The following TRIML1 variants were observed in gnomAD, a reference collection of about 807,000 sequenced individuals.
TRIML1 encodes the protein tripartite motif family like 1.
In TRIML1, 34 loss-of-function variants were observed where a neutral mutation model predicts 32.3. That is an observed-to-expected ratio of 1.05 (90% CI 0.80 to 1.40). The LOEUF is 1.40. Among genes scored for constraint, TRIML1 ranks in the 40% most tolerant of loss-of-function variants. The pLI, the probability that TRIML1 is intolerant of heterozygous loss-of-function variation, is 0.00. For synonymous variants in TRIML1, 244 were observed against 226.6 expected (o/e 1.08, Z -0.69); for missense variants, 595 against 574.9 (o/e 1.03, Z -0.36).
At chr4:188,137,916 C>CTTTTTTTTTTTTTTTTTTTTTT (rs1298700958), upstream of TRIML1, among the ~76,000 whole-genome samples, 2 of 131,524 alleles carry the variant, frequency 1.5e-5, 1 homozygote, top group Non-Finnish European at 3.2e-5. Context: ...CCTGGCCAAA[C>CTTTTTTTTTTTTTTTTTTTTTT]TTTTTTTCTT....
At chr4:188,139,386 T>C, upstream of TRIML1, 3 of 623,530 alleles carry the variant, frequency 4.8e-6, no homozygotes, top group South Asian at 7.8e-5. Flanking sequence ...TGGCTTTGTG[T>C]TGGACAGTGT....
chr4:188,141,679 G>A (rs1040607614), intron 2 of TRIML1, among the ~76,000 whole-genome samples: 3 of 152,160 alleles, frequency 2.0e-5, no homozygotes, highest in African/African-American at 4.8e-5. Flanking sequence ...TAGAACGACC[G>A]CCTCCTGGGA....
chr4:188,144,610 C>T (rs1265106322), intron 5 of TRIML1, among the ~76,000 whole-genome samples: 1 of 151,654 alleles, frequency 6.6e-6, no homozygotes, highest in Non-Finnish European at 1.5e-5. Context: ...GATCCGCCCG[C>T]CTCGGCCTCC....
chr4:188,147,333 A>C lies in TRIML1; in HGVS notation c.1368A>C (p.Thr456=), dbSNP rs1667471242. ...GCCTCCCAAATGAGGGGACAAACAC[A>C]GACCCTCTCACCATCTGCTCACTGA... ...SPCLPNEGTN[T]DPLTICSLNS... is the part of the protein sequence containing the mutation. Residue 456 remains threonine, a synonymous_variant, in exon 6 of 6, where the codon ACA becomes ACC. Coordinates refer to ENST00000332517, the MANE Select transcript of TRIML1 (RefSeq NM_178556.5). The C allele has an allele frequency of 6.6e-7, 1 of 1,522,610 alleles. No individual in the cohort carries two copies. The highest frequency in any genetic ancestry group is 8.8e-7 in the Non-Finnish European group (1 of 1,137,142). 94.3% of individuals were successfully genotyped at this position (1,522,610 alleles called of 1,614,324 possible).
chr4:188,146,886 T>G lies in TRIML1; in HGVS notation c.921T>G (p.Ser307Arg). ...TCGTGTTGTCGGAGGATCTGAAGAG[T>G]GTGAAATATGGGGGAAGCAGACAGC... ...AYLVLSEDLK[S>R]VKYGGSRQQL... The change falls in exon 6 of 6, where the codon AGT (serine) becomes AGG (arginine). Residue 307 changes from serine to arginine, a missense_variant. Physicochemically the swap from Ser to Arg is moderately radical, Grantham distance 110. Coordinates refer to ENST00000332517, the MANE Select transcript of TRIML1 (RefSeq NM_178556.5). The G allele has an allele frequency of 6.8e-7, 1 of 1,475,036 alleles. No individual in the cohort carries two copies. Among genetic ancestry groups the G allele is most frequent in the Non-Finnish European group, 9.0e-7 (1 of 1,111,634 alleles). 91.4% of individuals were successfully genotyped at this position (1,475,036 alleles called of 1,614,324 possible).
rs1418341246 is a variant in TRIML1, at chr4:188,147,436, T to A, written c.*64T>A. On this transcript the variant is annotated 3_prime_UTR_variant, in exon 6 of 6. Coordinates refer to ENST00000332517, the MANE Select transcript of TRIML1 (RefSeq NM_178556.5). ...GACCAAGACACAACTATTAAGACGATGAAGGCATCGACAGTATTAATGTCA... is the reference window on the plus strand; with the variant it reads ...GACCAAGACACAACTATTAAGACGAAGAAGGCATCGACAGTATTAATGTCA... 1 of 1,367,238 alleles carries A rather than the reference T, an allele frequency of 7.3e-7. No individual in the cohort carries two copies. Among genetic ancestry groups the A allele is most frequent in the Non-Finnish European group, 9.6e-7 (1 of 1,046,826 alleles). 84.7% of individuals were successfully genotyped at this position (1,367,238 alleles called of 1,614,324 possible). A position where few individuals can be genotyped will look rare whatever the true frequency, so the allele number is the denominator to read the frequency against.
downstream of TRIML1, among the ~76,000 whole-genome samples, chr4:188,148,934 G>T (rs7377490): frequency 0.3 from 32,124 of 106,648 alleles, 5,781 homozygotes; most frequent in Admixed American, 0.39. Flanking sequence ...TTTTTGAGAC[G>T]GAGTAGTCTT....
rs1735136942 is a variant in TRIML1, at chr4:188,147,553, A to G, written c.*181A>G. On this transcript the variant is annotated 3_prime_UTR_variant, in exon 6 of 6. Transcript: ENST00000332517. ...TATGAACAGCCACATTACACAATCA[A>G]CTTCAACCCCAATAGAAGAGAGCTG... The G allele has an allele frequency of 4.7e-6, 2 of 428,058 alleles. No homozygotes were observed. Among genetic ancestry groups the G allele is most frequent in the Non-Finnish European group, 8.0e-6 (2 of 249,552 alleles). 26.5% of individuals were successfully genotyped at this position (428,058 alleles called of 1,614,324 possible). A position where few individuals can be genotyped will look rare whatever the true frequency, so the allele number is the denominator to read the frequency against.
Position 188,147,628 on chromosome 4 carries a change from G to C in TRIML1, c.*256G>C, listed in dbSNP as rs963698092. On this transcript the variant is annotated 3_prime_UTR_variant, in exon 6 of 6. Transcript: ENST00000332517. ...ATGTATTCTCTGGGCTACCCCATGT[G>C]TGTGCTGGTCACTCAAATATTGAGC... 2.9e-6 allele frequency: 1 copy of C among 350,478 alleles called. No homozygotes were observed. Among genetic ancestry groups the C allele is most frequent in the Admixed American group, 4.7e-5 (1 of 21,300 alleles). 21.7% of individuals were successfully genotyped at this position (350,478 alleles called of 1,614,324 possible).
intron 2 of TRIML1, among the ~76,000 whole-genome samples, chr4:188,141,735 C>T (rs563107416): frequency 2.4e-4 from 37 of 152,136 alleles, no homozygotes; most frequent in African/African-American, 8.2e-4. Flanking sequence ...AGCGCACATA[C>T]CTCCGAAAAC....
chr4:188,148,990 T>C (rs1450595408), downstream of TRIML1, among the ~76,000 whole-genome samples: 3 of 142,514 alleles, frequency 2.1e-5, no homozygotes, highest in African/African-American at 7.8e-5. Flanking sequence ...CTCAGCTCAC[T>C]GCAAGTTCTG....
chr4:188,144,191 T>C, intron 5 of TRIML1, 58 bp downstream of exon 5: 1 of 1,423,824 alleles, frequency 7.0e-7, no homozygotes, highest in South Asian at 1.2e-5. Context: ...TCAGCATACC[T>C]TCTTCCAGTG....
At chr4:188,150,309 A>C (rs1205314904), downstream of TRIML1, among the ~76,000 whole-genome samples, 3 of 149,018 alleles carry the variant, frequency 2.0e-5, no homozygotes, top group African/African-American at 7.4e-5. Context: ...TTGTATTTTT[A>C]ATAGAGATGG....
chr4:188,141,729 C>T (rs2111227339), intron 2 of TRIML1, among the ~76,000 whole-genome samples: 1 of 152,108 alleles, frequency 6.6e-6, no homozygotes, highest in South Asian at 2.1e-4. Flanking sequence ...ATCTATAGCG[C>T]ACATACCTCC....
downstream of TRIML1, among the ~76,000 whole-genome samples, chr4:188,149,893 C>A (rs1245090223): frequency 6.6e-6 from 1 of 152,120 alleles, no homozygotes; most frequent in African/African-American, 2.4e-5. Flanking sequence ...ACCTCTAACC[C>A]CTGGGTTCAA....
chr4:188,147,421 C>T lies in TRIML1; in HGVS notation c.*49C>T. 7.0e-7 allele frequency: 1 copy of T among 1,422,710 alleles called. No homozygotes were observed. Among genetic ancestry groups the T allele is most frequent in the Non-Finnish European group, 9.2e-7 (1 of 1,085,284 alleles). 88.1% of individuals were successfully genotyped at this position (1,422,710 alleles called of 1,614,324 possible). On this transcript the variant is annotated 3_prime_UTR_variant, in exon 6 of 6. Coordinates refer to ENST00000332517, the MANE Select transcript of TRIML1 (RefSeq NM_178556.5). ...GCGGGCGATGTCTGAGACCAAGACA[C>T]AACTATTAAGACGATGAAGGCATCG...
downstream of TRIML1, among the ~76,000 whole-genome samples, chr4:188,149,434 C>T (rs369829594): frequency 2.8e-4 from 42 of 152,126 alleles, no homozygotes; most frequent in Non-Finnish European, 4.9e-4. Context: ...ATTGGAGACT[C>T]GGTTGGAAAG....
rs1036156661 is a variant in TRIML1 at position 188,139,493 on chromosome 4, G to T, written c.-66G>T. 11 of 1,480,242 alleles carry T rather than the reference G, an allele frequency of 7.4e-6. No homozygotes were observed. In the African/African-American group the frequency reaches 1.5e-4, roughly 21 times the overall value. The allele number at this position is 1,480,242 out of a possible 1,614,324, so 91.7% of individuals were successfully genotyped here. A position where few individuals can be genotyped will look rare whatever the true frequency, so the allele number is the denominator to read the frequency against. ...CGCGTGTTACTCAAAACTGTAGGAC[G>T]GCAGTGAGGGCTTTGCTAATCCCAG... On this transcript the variant is annotated 5_prime_UTR_variant, in exon 1 of 6. Transcript: ENST00000332517.
In TRIML1 at chr4:188,147,280, G is replaced by T. The variant is rs759354254; in HGVS notation, c.1315G>T (p.Glu439Ter). 6.3e-7 allele frequency: 1 copy of T among 1,576,414 alleles called. No individual in the cohort carries two copies. The highest frequency in any genetic ancestry group is 8.6e-7 in the Non-Finnish European group (1 of 1,161,604). ...IYSFPQASFQ[E>*]ALRPIFSPCL... ...CAGCTTCCCGCAGGCTTCTTTCCAA[G>T]AGGCCCTCAGGCCTATCTTTTCCCC... is the stretch of plus-strand genomic sequence containing the variant. The change falls in exon 6 of 6, where the codon GAG becomes TAG. Residue 439 changes from glutamate to a stop codon, truncating the protein, a stop_gained. Coordinates refer to ENST00000332517, the MANE Select transcript of TRIML1 (RefSeq NM_178556.5). LOFTEE classifies it high-confidence loss of function.
Sources: allele counts gnomAD v4.1 joint callset (sites outside exome capture counted in the v4.1 genomes callset), GRCh38; gene constraint gnomAD v4.1.1; transcripts MANE v1.5; gene names NCBI Gene and HGNC (gene_info 2026-07-23, HGNC 2026-07-21).